The following FSTL5 variants were observed in gnomAD, a reference collection of about 807,000 sequenced individuals.
The protein encoded by FSTL5 is follistatin like 5.
In FSTL5, 62 loss-of-function variants were observed where a neutral mutation model predicts 89.1. That is an observed-to-expected ratio of 0.70 (90% CI 0.57 to 0.86). The LOEUF (loss-of-function observed/expected upper bound fraction) is 0.86, where lower values mean the gene tolerates loss of function less well. Ranked by LOEUF, FSTL5 falls within the 40% of genes least tolerant of loss-of-function variation. The pLI, the probability that FSTL5 is intolerant of heterozygous loss-of-function variation, is 0.00. For missense variants in FSTL5, 1,057 were observed against 1,001.6 expected, an observed-to-expected ratio of 1.06 and a Z score of -0.75; for synonymous variants, 383 against 346.2, an observed-to-expected ratio of 1.11 and a Z score of -1.18.
At chr4:162,159,630 C>T (rs62331321) in intron 1 of FSTL5, among the ~76,000 whole-genome samples, 79,981 of 151,672 alleles carry the variant, frequency 0.53, 21,266 homozygotes, top group Admixed American at 0.59. Context: ...ATATGTTATG[C>T]GCAGGGATAT....
chr4:161,737,242 G>A (rs145932721), intron 6 of FSTL5, among the ~76,000 whole-genome samples: 8 of 152,182 alleles, frequency 5.3e-5, no homozygotes, highest in African/African-American at 1.7e-4. Context: ...CCATAAAGCA[G>A]TGTGGTTTAG....
chr4:162,132,057 T>A (rs540838029), intron 1 of FSTL5, among the ~76,000 whole-genome samples: 93 of 152,352 alleles, frequency 6.1e-4, no homozygotes, highest in African/African-American at 2.2e-3. Context: ...CTCAGGTGAA[T>A]AATAGATTAA....
chr4:161,933,479 T>C (rs1734347636), intron 3 of FSTL5, among the ~76,000 whole-genome samples: 1 of 152,170 alleles, frequency 6.6e-6, no homozygotes, highest in East Asian at 1.9e-4. Flanking sequence ...AGTTAAAACA[T>C]GAATATTTCA....
intron 6 of FSTL5, among the ~76,000 whole-genome samples, chr4:161,745,713 T>C (rs1336002319): frequency 1.3e-5 from 2 of 151,968 alleles, no homozygotes; most frequent in Non-Finnish European, 2.9e-5. Flanking sequence ...ATTCCTGATC[T>C]CAGAAGTGTT....
At chr4:161,386,500 C>T (rs745512657) in intron 15 of FSTL5, 51 bp from the exon 16 acceptor site, 25 of 1,344,940 alleles carry the variant, frequency 1.9e-5, no homozygotes, top group African/African-American at 5.9e-5. Context: ...AGTTTTTAGC[C>T]GTAAGAAAAA....
At chr4:161,849,215 C>T (rs1047524454) in intron 4 of FSTL5, among the ~76,000 whole-genome samples, 3 of 151,780 alleles carry the variant, frequency 2.0e-5, no homozygotes, top group African/African-American at 7.3e-5. Context: ...AAGAAGAAAC[C>T]AGAATATTTC....
chr4:161,788,813 G>T (rs910341341), intron 4 of FSTL5, among the ~76,000 whole-genome samples: 2 of 152,096 alleles, frequency 1.3e-5, no homozygotes, highest in Non-Finnish European at 2.9e-5. Context: ...TTGGAGGATC[G>T]CTTGAGCCCA....
rs146827198 is a variant in FSTL5 at position 162,036,057 on chromosome 4, GT to G, written c.127-2400del. Among the ~76,000 whole-genome samples the G allele has an allele frequency of 5.1e-3, 775 of 152,094 alleles. 7 individuals carry two copies. The highest frequency in any genetic ancestry group is 0.018 in the African/African-American group (734 of 41,518). ...GCTTCCTCTTTTCCTAAGCACTAGT[GT>G]CCTAGGCATTGAGGTCTTATCTTTC... On this transcript the variant is annotated intron_variant, in intron 2 of 15. Coordinates refer to ENST00000306100, the MANE Select transcript of FSTL5 (RefSeq NM_020116.5).
chr4:161,493,425 C>T (rs150128094), intron 12 of FSTL5, among the ~76,000 whole-genome samples: 1,553 of 151,656 alleles, frequency 0.01, 30 homozygotes, highest in African/African-American at 0.035. Context: ...AAGGAATAAT[C>T]TACTATATTT....
intron 15 of FSTL5, among the ~76,000 whole-genome samples, chr4:161,395,054 G>T (rs927725367): frequency 6.6e-6 from 1 of 152,098 alleles, no homozygotes; most frequent in African/African-American, 2.4e-5. Context: ...ATAACAAACA[G>T]ATTCTAGAAG....
In FSTL5 at chr4:161,709,745, A is replaced by G. The variant is rs567281779; in HGVS notation, c.727+49666T>C. Among the ~76,000 whole-genome samples, 8 of 152,190 alleles carry G rather than the reference A, an allele frequency of 5.3e-5. No individual in the cohort carries two copies. In the South Asian group the frequency reaches 1.7e-3, roughly 31 times the overall value. ...CAGGAGGTTGAGGCTTCAGTGAGCC[A>G]TGATCACGTCAGTGCAATTCAGCCT... is the stretch of plus-strand genomic sequence containing the variant. On this transcript the variant is annotated intron_variant, in intron 6 of 15. Coordinates refer to ENST00000306100, the MANE Select transcript of FSTL5 (RefSeq NM_020116.5).
chr4:161,518,663 G>T (rs183036288), intron 10 of FSTL5, among the ~76,000 whole-genome samples: 26 of 152,216 alleles, frequency 1.7e-4, no homozygotes, highest in African/African-American at 6.3e-4. Context: ...GGTAAGAATT[G>T]TTGCTAAGTC....
intron 8 of FSTL5, among the ~76,000 whole-genome samples, chr4:161,558,715 A>C (rs1443907260): frequency 2.0e-5 from 3 of 151,826 alleles, no homozygotes; most frequent in African/African-American, 7.2e-5. Flanking sequence ...GTCATCTCTC[A>C]ATATGCCACC....
intron 2 of FSTL5, among the ~76,000 whole-genome samples, chr4:162,098,704 T>A (rs1420929507): frequency 6.6e-6 from 1 of 152,082 alleles, no homozygotes; most frequent in Non-Finnish European, 1.5e-5. Flanking sequence ...TAAGACTGGC[T>A]GGTATTGATG....
intron 4 of FSTL5, among the ~76,000 whole-genome samples, chr4:161,918,670 G>A (rs1733905072): frequency 1.3e-5 from 2 of 151,250 alleles, no homozygotes; most frequent in Admixed American, 1.3e-4. Flanking sequence ...TTTGAGACGG[G>A]GTCTCGCTCT....
At chr4:161,976,200 G>C (rs80317551) in intron 3 of FSTL5, among the ~76,000 whole-genome samples, 1 of 151,644 alleles carries the variant, frequency 6.6e-6, no homozygotes, top group African/African-American at 2.4e-5. Flanking sequence ...ACTTAAGAGC[G>C]TAAGCCTTCT....
chr4:162,009,675 G>A (rs1023110154), intron 3 of FSTL5, among the ~76,000 whole-genome samples: 28 of 151,860 alleles, frequency 1.8e-4, no homozygotes, highest in Admixed American at 1.8e-3. Context: ...CTAATAGGTG[G>A]CATAAAATGA....
chr4:161,580,248 G>T (rs1218326496), intron 8 of FSTL5, among the ~76,000 whole-genome samples: 1 of 152,168 alleles, frequency 6.6e-6, no homozygotes, highest in African/African-American at 2.4e-5. Context: ...AGGCTTTGAA[G>T]TTAACGAATT....
At chr4:161,875,360 C>T (rs1369289528) in intron 4 of FSTL5, among the ~76,000 whole-genome samples, 3 of 152,116 alleles carry the variant, frequency 2.0e-5, no homozygotes, top group African/African-American at 7.2e-5. Context: ...TTTGTAACTT[C>T]ACCCTAGCCT....
Sources: allele counts gnomAD v4.1 joint callset (sites outside exome capture counted in the v4.1 genomes callset), GRCh38; gene constraint gnomAD v4.1.1; transcripts MANE v1.5; gene names NCBI Gene and HGNC (gene_info 2026-07-23, HGNC 2026-07-21).